The following WDR59 variants were observed in gnomAD, a reference collection of about 807,000 sequenced individuals.
WDR59 encodes the protein WD repeat domain 59, also known as GATOR2 complex protein WDR59.
Under a neutral mutation model 131.2 loss-of-function variants are expected in WDR59, and 100 were observed. The ratio of observed to expected loss-of-function variants is 0.76; its 90% CI spans 0.65 to 0.90. The LOEUF is 0.90. Among genes scored for constraint, WDR59 ranks in the 40% least tolerant of loss-of-function variants. The pLI, the probability that WDR59 is intolerant of heterozygous loss-of-function variation, is 0.00. For missense variants in WDR59, 1,203 were observed against 1,262.2 expected, an observed-to-expected ratio of 0.95 and a Z score of 0.71; for synonymous variants, 601 against 466.2, an observed-to-expected ratio of 1.29 and a Z score of -3.72.
chr16:74,941,225 C>T (rs138381677), intron 7 of WDR59, among the ~76,000 whole-genome samples: 1 of 150,834 alleles, frequency 6.6e-6, no homozygotes. Flanking sequence ...CCTGTAGTCC[C>T]AGTTACTCAG....
intron 8 of WDR59, among the ~76,000 whole-genome samples, chr16:74,936,680 G>T (rs2031826824): frequency 6.6e-6 from 1 of 152,056 alleles, no homozygotes; most frequent in Non-Finnish European, 1.5e-5. Flanking sequence ...ACAAAAATTA[G>T]CCAGGCATGA....
intron 9 of WDR59, among the ~76,000 whole-genome samples, chr16:74,923,360 C>T (rs999208442): frequency 6.6e-6 from 1 of 152,162 alleles, no homozygotes; most frequent in African/African-American, 2.4e-5. Context: ...CCTCCATCTA[C>T]CCTGCTGCCG....
intron 25 of WDR59, among the ~76,000 whole-genome samples, chr16:74,882,499 G>A (rs947226939): frequency 1.3e-5 from 2 of 152,150 alleles, no homozygotes; most frequent in East Asian, 1.9e-4. Flanking sequence ...CTGGGAGGCC[G>A]AGGCAGGCAC....
intron 25 of WDR59, among the ~76,000 whole-genome samples, chr16:74,883,003 C>T (rs139709875): frequency 4.2e-5 from 6 of 142,422 alleles, no homozygotes; most frequent in Admixed American, 3.5e-4. Context: ...CTGTTTCTTT[C>T]GTTTTTTTGT....
chr16:74,979,413 C>A (rs1394128036), intron 1 of WDR59, among the ~76,000 whole-genome samples: 1 of 151,626 alleles, frequency 6.6e-6, no homozygotes, highest in Non-Finnish European at 1.5e-5. Flanking sequence ...TTACAGTGAG[C>A]CAAGATCGAG....
At chr16:74,900,593 T>A (rs1965506314) in intron 18 of WDR59, among the ~76,000 whole-genome samples, 1 of 152,228 alleles carries the variant, frequency 6.6e-6, no homozygotes, top group Admixed American at 6.5e-5. Context: ...CAACATTTCA[T>A]CAGCTATTAA....
At chr16:74,899,781 AG>A (rs1965461827) in intron 18 of WDR59, 2 of 1,286,816 alleles carry the variant, frequency 1.6e-6, no homozygotes, top group South Asian at 1.2e-5. Flanking sequence ...TACACCCAGG[AG>A]GAGGGAAGAA....
At chr16:74,964,990 G>A (rs963121183) in intron 2 of WDR59, among the ~76,000 whole-genome samples, 2 of 152,186 alleles carry the variant, frequency 1.3e-5, no homozygotes, top group East Asian at 1.9e-4. Flanking sequence ...CTTGAACACA[G>A]GAGGCAGAGG....
intron 18 of WDR59, among the ~76,000 whole-genome samples, chr16:74,903,699 C>T (rs895126713): frequency 2.7e-5 from 4 of 148,670 alleles, no homozygotes; most frequent in African/African-American, 5.0e-5. Flanking sequence ...GTGGAGATTA[C>T]AAGGACAAGG....
At chr16:74,889,844 C>T in intron 20 of WDR59, 29 bp from the exon 21 acceptor site, 1 of 1,566,852 alleles carries the variant, frequency 6.4e-7, no homozygotes, top group Non-Finnish European at 8.7e-7. Context: ...AATACAAACT[C>T]AAACTGGCAA....
In WDR59 at chr16:74,909,666, T is replaced by TA; in HGVS notation, c.1486-10dup. ...GCGCTGTCTTCCTGGTTCTGAAATTTAAAAATCCACAAGCTAAAAACCACA... is the reference window on the plus strand; with the variant it reads ...GCGCTGTCTTCCTGGTTCTGAAATTTAAAAAATCCACAAGCTAAAAACCACA... On this transcript the variant is annotated splice_polypyrimidine_tract_variant and intron_variant, in intron 15 of 25. Coordinates refer to ENST00000262144, the MANE Select transcript of WDR59 (RefSeq NM_030581.4). The TA allele has an allele frequency of 6.4e-7, 1 of 1,557,526 alleles. No individual in the cohort carries two copies. The highest frequency in any genetic ancestry group is 1.4e-5 in the African/African-American group (1 of 72,454).
Position 74,904,685 on chromosome 16 carries a change from T to C in WDR59, c.1713-585A>G, listed in dbSNP as rs553555805. On this transcript the variant is annotated intron_variant, in intron 17 of 25. Transcript: ENST00000262144. ...CTAATAAGTTGATTTTATAATTTTA[T>C]TGAAAGACCTAGAACAGCCAACCTG... is the stretch of plus-strand genomic sequence containing the variant. Among the ~76,000 whole-genome samples, 253 of 152,330 alleles carry C rather than the reference T, an allele frequency of 1.7e-3. 6 individuals are homozygous for C. In the South Asian group the frequency reaches 0.05, roughly 30 times the overall value.
At chr16:74,903,381 C>G (rs528811794) in intron 18 of WDR59, among the ~76,000 whole-genome samples, 7 of 152,198 alleles carry the variant, frequency 4.6e-5, no homozygotes, top group African/African-American at 1.7e-4. Flanking sequence ...TTAATGATAA[C>G]TACTTTAGGG....
At position 74,893,900 on chromosome 16, in the gene WDR59, C is replaced by T. The variant is rs1255328612; in HGVS notation, c.1867-88G>A. ...GAGCTCATCATATTGGGGTCATTGG[C>T]AATTTGCACTTTTTAAAAATTACAT... On this transcript the variant is annotated intron_variant, in intron 18 of 25. Coordinates refer to ENST00000262144, the MANE Select transcript of WDR59 (RefSeq NM_030581.4). 16 of 1,443,050 alleles carry T rather than the reference C, an allele frequency of 1.1e-5. No individual in the cohort carries two copies. In the East Asian group the frequency reaches 3.5e-4, roughly 32 times the overall value. The allele number at this position is 1,443,050 out of a possible 1,614,324, so 89.4% of individuals were successfully genotyped here. A position where few individuals can be genotyped will look rare whatever the true frequency, so the allele number is the denominator to read the frequency against.
At chr16:74,953,184 C>T (rs988128754) in intron 3 of WDR59, among the ~76,000 whole-genome samples, 61 of 152,124 alleles carry the variant, frequency 4.0e-4, no homozygotes, top group African/African-American at 1.3e-3. Context: ...CAAAAGGTTG[C>T]CTTCCAGCCA....
chr16:74,945,345 C>T lies in WDR59; in HGVS notation c.446-2519G>A, dbSNP rs572780767. On this transcript the variant is annotated intron_variant, in intron 6 of 25. Coordinates refer to ENST00000262144, the MANE Select transcript of WDR59 (RefSeq NM_030581.4). ...CAAAAAAATTAGCCGGGCATGGTGG[C>T]GGGCGCCTGCAGTCCCAGCTACTCG... is the stretch of plus-strand genomic sequence containing the variant. Among the ~76,000 whole-genome samples the T allele has an allele frequency of 5.3e-3, 805 of 151,484 alleles. 4 individuals are homozygous for T. Among genetic ancestry groups the T allele is most frequent in the Non-Finnish European group, 9.1e-3 (616 of 67,882 alleles).
chr16:74,881,324 C>T (rs943418795), intron 25 of WDR59, among the ~76,000 whole-genome samples: 4 of 152,102 alleles, frequency 2.6e-5, no homozygotes, highest in African/African-American at 9.7e-5. Flanking sequence ...AAAGAGAAGA[C>T]CTGTGGCCTT....
chr16:74,970,788 A>C (rs1567441970), intron 1 of WDR59, among the ~76,000 whole-genome samples: 1 of 152,046 alleles, frequency 6.6e-6, no homozygotes. Context: ...ATGGTGGTGC[A>C]CACCTATAAT....
intron 2 of WDR59, 102 bp from the exon 3 acceptor site, chr16:74,956,712 T>C: frequency 6.9e-7 from 1 of 1,442,914 alleles, no homozygotes; most frequent in Non-Finnish European, 9.4e-7. Context: ...CAAGCAGTGC[T>C]CCAAAAAACC....
Sources: gnomAD v4.1 joint callset for allele counts (sites outside exome capture counted in the v4.1 genomes callset) on GRCh38, gnomAD v4.1.1 for gene constraint, MANE v1.5 for transcripts, NCBI Gene and HGNC (gene_info 2026-07-23, HGNC 2026-07-21) for gene names.